Variants in BRDT observed in about 807,000 individuals in gnomAD.
BRDT encodes bromodomain testis associated, also known as bromodomain testis-specific protein.
A neutral mutation model predicts 113.9 loss-of-function variants in BRDT; 77 were observed. The ratio of observed to expected loss-of-function variants is 0.68; its 90% confidence interval spans 0.56 to 0.82. The LOEUF is 0.82. Among genes scored for constraint, BRDT ranks in the 40% least tolerant of loss-of-function variants. The pLI is 0.00. For synonymous variants in BRDT, 358 were observed against 366.5 expected (o/e 0.98, Z 0.26); for missense variants, 1,027 against 1,105.4 (o/e 0.93, Z 1.01).
chr1:91,991,748 T>G (rs1007794225), intron 13 of BRDT, among the ~76,000 whole-genome samples: 1 of 151,970 alleles, frequency 6.6e-6, no homozygotes, highest in Non-Finnish European at 1.5e-5. Context: ...ATCCCAGCAC[T>G]TTGGGAGGCC....
chr1:91,963,710 G>A (rs187670431), intron 2 of BRDT, among the ~76,000 whole-genome samples: 2 of 151,306 alleles, frequency 1.3e-5, no homozygotes, highest in East Asian at 3.9e-4. Flanking sequence ...ATAAAAACAA[G>A]GTTCTTTTTC....
chr1:91,982,636 T>C (rs1370273266), intron 12 of BRDT, among the ~76,000 whole-genome samples: 4 of 152,222 alleles, frequency 2.6e-5, no homozygotes, highest in Non-Finnish European at 5.9e-5. Flanking sequence ...GCATCCCTCT[T>C]TTTTTCAGTG....
intron 15 of BRDT, among the ~76,000 whole-genome samples, chr1:91,994,497 C>A (rs1686087577): frequency 1.3e-5 from 2 of 151,150 alleles, no homozygotes; most frequent in Admixed American, 1.3e-4. Flanking sequence ...ACCCAATTTA[C>A]TTTCCCAGAT....
At chr1:91,968,429 TG>T (rs1683286306) in intron 4 of BRDT, among the ~76,000 whole-genome samples, 169 bp downstream of exon 4, 1 of 152,164 alleles carries the variant, frequency 6.6e-6, no homozygotes, top group African/African-American at 2.4e-5. Flanking sequence ...ATCACAAGGA[TG>T]GGTATCATTC....
chr1:91,981,694 A>C lies in BRDT; in HGVS notation c.1941A>C (p.Ser647=). The C allele has an allele frequency of 1.2e-6, 2 of 1,614,160 alleles. No individual in the cohort carries two copies. The highest frequency in any genetic ancestry group is 1.7e-6 in the Non-Finnish European group (2 of 1,180,018). The part of the protein sequence containing the change: ...LSESSSSSSS[S]SESESSSSDL... ...AGAGCAGCAGCAGCAGCAGCAGCTC[A>C]TCAGAGTCTGAAAGTAGCAGCAGTG... The change falls in exon 12 of 19, where the codon TCA becomes TCC. Residue 647 remains serine, a synonymous_variant. Coordinates refer to ENST00000399546, the MANE Select transcript of BRDT (RefSeq NM_207189.4).
chr1:91,996,956 A>T (rs1392004399), intron 15 of BRDT, among the ~76,000 whole-genome samples: 1 of 152,230 alleles, frequency 6.6e-6, no homozygotes, highest in Non-Finnish European at 1.5e-5. Context: ...AGAATAAATG[A>T]AAACACCCAG....
At chr1:92,013,328 C>T (rs1394193948) in intron 18 of BRDT, among the ~76,000 whole-genome samples, 1 of 152,026 alleles carries the variant, frequency 6.6e-6, no homozygotes, top group Non-Finnish European at 1.5e-5. Flanking sequence ...AAGAGTCAGA[C>T]ATACCTTTCA....
Position 91,976,311 on chromosome 1 carries a change from C to A in BRDT, c.491C>A (p.Ser164Ter). ...GTTTCTTCTGCTAAAGAAAAATCAT[C>A]ACCCAGCGCAACAGAAAAAGTATTT... ...IAVSSAKEKS[S>*]PSATEKVFKQ... Residue 164 changes from serine (S) to a stop codon, truncating the protein, a stop_gained, in exon 5 of 19, where the codon TCA (serine) becomes TAA (stop). Transcript: ENST00000399546. LOFTEE classifies it high-confidence loss of function. 1 of 1,611,042 alleles carries A rather than the reference C, an allele frequency of 6.2e-7. No homozygotes were observed.
Position 91,976,432 on chromosome 1 carries a change from G to T in BRDT, c.612G>T (p.Ala204=). Residue 204 remains alanine (A), a synonymous_variant, in exon 5 of 19, where the codon GCG becomes GCT. Transcript: ENST00000399546. ...GASVNSSSQT[A]AQVTKGVKRK... ...CAGTCAACTCCAGTTCACAAACTGC[G>T]GCCCAAGTAAGTTTGTTGTAGTTTT... The T allele has an allele frequency of 6.5e-7, 1 of 1,539,940 alleles. No homozygotes were observed. The highest frequency in any genetic ancestry group is 8.7e-7 in the Non-Finnish European group (1 of 1,148,646).
At chr1:91,980,243 C>CA (rs1397574241) in intron 8 of BRDT, among the ~76,000 whole-genome samples, 1 of 151,810 alleles carries the variant, frequency 6.6e-6, no homozygotes, top group Non-Finnish European at 1.5e-5. Context: ...CATGTCTCTA[C>CA]AAAAAAATCA....
chr1:91,979,879 T>A, intron 8 of BRDT, 122 bp downstream of exon 8: 2 of 773,276 alleles, frequency 2.6e-6, no homozygotes, highest in Non-Finnish European at 3.8e-6. Context: ...TTTATTTACT[T>A]ATTGGCAAAT....
chr1:91,962,076 C>T (rs1263594869), intron 1 of BRDT, among the ~76,000 whole-genome samples: 1 of 125,114 alleles, frequency 8.0e-6, no homozygotes, highest in Non-Finnish European at 1.6e-5. Flanking sequence ...ACCCGGGAGG[C>T]GGAGCTTGCA....
intron 3 of BRDT, among the ~76,000 whole-genome samples, chr1:91,966,493 A>T (rs574109299): frequency 2.0e-5 from 3 of 152,272 alleles, no homozygotes; most frequent in Non-Finnish European, 2.9e-5. Context: ...CACCCTCCTA[A>T]GTAGCTGGGA....
At chr1:91,962,144 C>CA (rs555326698) in intron 1 of BRDT, among the ~76,000 whole-genome samples, 1 of 65,064 alleles carries the variant, frequency 1.5e-5, no homozygotes, top group African/African-American at 5.9e-5. Flanking sequence ...GACTCCGTCT[C>CA]AAAAAAAAAA....
At chr1:91,985,793 C>G (rs568451447) in intron 12 of BRDT, among the ~76,000 whole-genome samples, 83 of 152,068 alleles carry the variant, frequency 5.5e-4, no homozygotes, top group Non-Finnish European at 9.0e-4. Flanking sequence ...CGCCCGCCAC[C>G]ACGCCCGGCT....
intron 1 of BRDT, among the ~76,000 whole-genome samples, chr1:91,957,785 C>T (rs186356000): frequency 9.9e-5 from 15 of 152,218 alleles, no homozygotes; most frequent in South Asian, 4.2e-4. Flanking sequence ...CTCCCCAAAC[C>T]CCTAGCAACT....
intron 12 of BRDT, among the ~76,000 whole-genome samples, chr1:91,986,373 C>T (rs1435662211): frequency 6.6e-6 from 1 of 152,032 alleles, no homozygotes; most frequent in Non-Finnish European, 1.5e-5. Context: ...TTAATTAAAA[C>T]CTTATAGGAA....
At chr1:91,951,919 C>G (rs1194311252) in intron 1 of BRDT, among the ~76,000 whole-genome samples, 1 of 152,162 alleles carries the variant, frequency 6.6e-6, no homozygotes, top group East Asian at 1.9e-4. Context: ...CGCAGTGGCT[C>G]ATGCCTGTAA....
chr1:91,970,312 G>A (rs749138206), intron 4 of BRDT, among the ~76,000 whole-genome samples: 51 of 152,268 alleles, frequency 3.3e-4, no homozygotes, highest in Non-Finnish European at 6.6e-4. Flanking sequence ...CACCCTGGCT[G>A]GAGTGCAGTG....
Sources: gnomAD v4.1 joint callset for allele counts (sites outside exome capture counted in the v4.1 genomes callset) on GRCh38, gnomAD v4.1.1 for gene constraint, MANE v1.5 for transcripts, NCBI Gene and HGNC (gene_info 2026-07-23, HGNC 2026-07-21) for gene names.